Variants in PRDM9 observed in about 807,000 individuals in gnomAD.
The protein encoded by PRDM9 is histone-lysine N-methyltransferase PRDM9.
Under a neutral mutation model 55.6 loss-of-function variants are expected in PRDM9, and 47 were observed. That is an observed-to-expected ratio of 0.85 (90% CI 0.67 to 1.08). The LOEUF (loss-of-function observed/expected upper bound fraction) is 1.08. PRDM9 is among the 50% of genes least tolerant of loss of function. The pLI, the probability that PRDM9 is intolerant of heterozygous loss-of-function variation, is 0.00. For missense variants in PRDM9, 867 were observed against 1,040.3 expected, an observed-to-expected ratio of 0.83 and a Z score of 2.29; for synonymous variants, 312 against 375.7, an observed-to-expected ratio of 0.83 and a Z score of 1.96.
At position 23,524,347 on chromosome 5, in the gene PRDM9, G is replaced by A. The variant is rs781489462; in HGVS notation, c.964G>A (p.Ala322Thr). The A allele has an allele frequency of 6.2e-7, 1 of 1,613,898 alleles. No individual in the cohort carries two copies. The highest frequency in any genetic ancestry group is 8.5e-7 in the Non-Finnish European group (1 of 1,179,860). Reference sequence around the variant, plus strand: ...CCTTGACCCCAGGTATGTGAACTGTGCCCGGGATGATGAAGAGCAGAACCT... The same window carrying A: ...CCTTGACCCCAGGTATGTGAACTGTACCCGGGATGATGAAGAGCAGAACCT... ...WANWMRYVNC[A>T]RDDEEQNLVA... Residue 322 changes from alanine (A) to threonine (T), a missense_variant, in exon 10 of 11, where the codon GCC becomes ACC. Physicochemically the swap from Ala to Thr is moderately conservative, Grantham distance 58. Coordinates refer to ENST00000296682, the MANE Select transcript of PRDM9 (RefSeq NM_020227.4).
chr5:23,508,161 C>A (rs1739021732), intron 1 of PRDM9, among the ~76,000 whole-genome samples: 1 of 152,056 alleles, frequency 6.6e-6, no homozygotes, highest in African/African-American at 2.4e-5. Flanking sequence ...TTACCTGAGA[C>A]CCAGAATTTC....
rs776657408 is a variant in PRDM9, at chr5:23,526,428, G to T, written c.1340G>T (p.Arg447Leu). 1.2e-6 allele frequency: 2 copies of T among 1,614,058 alleles called. No individual in the cohort carries two copies. Among genetic ancestry groups the T allele is most frequent in the Non-Finnish European group, 1.7e-6 (2 of 1,180,048 alleles). ...CAGCAATATCCAGATCCACACAGCC[G>T]TAATGACAAAACCAAAGGTCAAGAG... ...QEQQYPDPHS[R>L]NDKTKGQEIK... Residue 447 changes from arginine to leucine, a missense_variant, in exon 11 of 11, where the codon CGT becomes CTT. Physicochemically the swap from Arg to Leu is moderately radical, Grantham distance 102. Around this residue, in one of 5 missense-constraint regions of PRDM9, gnomAD observed 662 missense variants for 711.9 expected, o/e 0.93. Transcript: ENST00000296682.
chr5:23,520,865 C>T (rs1427396970), intron 5 of PRDM9, among the ~76,000 whole-genome samples, 158 bp from the exon 6 acceptor site: 2 of 152,212 alleles, frequency 1.3e-5, no homozygotes, highest in East Asian at 3.9e-4. Flanking sequence ...AGATTCACTA[C>T]TCACTTAGAC....
intron 4 of PRDM9, among the ~76,000 whole-genome samples, chr5:23,514,396 C>A (rs1739159672): frequency 6.6e-6 from 1 of 152,104 alleles, no homozygotes; most frequent in South Asian, 2.1e-4. Flanking sequence ...TGTGTTCCCA[C>A]ATCAGGAAGG....
chr5:23,522,866 A>T lies in PRDM9; in HGVS notation c.863A>T (p.Asn288Ile). 2 of 1,614,262 alleles carry T rather than the reference A, an allele frequency of 1.2e-6. No individual in the cohort carries two copies. The highest frequency in any genetic ancestry group is 1.7e-6 in the Non-Finnish European group (2 of 1,180,048). Residue 288 changes from asparagine to isoleucine, a missense_variant, in exon 8 of 11, where the codon AAC (asparagine) becomes ATC (isoleucine). By Grantham distance (149) the Asn-to-Ile change is moderately radical. Coordinates refer to ENST00000296682, the MANE Select transcript of PRDM9 (RefSeq NM_020227.4). Reference protein sequence around the residue: ...GRITEDEEAANNGYSWLITKG... With the variant: ...GRITEDEEAAINGYSWLITKG... Reference sequence around the variant, plus strand: ...ATTACAGAAGACGAAGAGGCAGCCAACAATGGATACTCCTGGCTGGTAAGA... The same window carrying T: ...ATTACAGAAGACGAAGAGGCAGCCATCAATGGATACTCCTGGCTGGTAAGA...
At chr5:23,520,090 T>C (rs1454517621) in intron 5 of PRDM9, among the ~76,000 whole-genome samples, 1 of 134,914 alleles carries the variant, frequency 7.4e-6, no homozygotes, top group Non-Finnish European at 1.6e-5. Context: ...ATGGTCTGAG[T>C]GTGGGGGCTC....
In PRDM9 at chr5:23,516,724, CT is replaced by C. The variant is rs549115370; in HGVS notation, c.302-1144del. 9.8e-3 allele frequency among the ~76,000 whole-genome samples: 1,178 copies of C among 119,844 alleles called. 2 individuals are homozygous for C. The highest frequency in any genetic ancestry group is 0.022 in the Middle Eastern group (4 of 178). 78.6% of individuals were successfully genotyped at this position (119,844 alleles called of 152,430 possible). A position where few individuals can be genotyped will look rare whatever the true frequency, so the allele number is the denominator to read the frequency against. ...TTTTGGTAAAAATCTTTATAGTTTT[CT>C]TTTTTTTTTTTTAAGATGGGGTCTC... On this transcript the variant is annotated intron_variant, in intron 4 of 10. Transcript: ENST00000296682.
intron 10 of PRDM9, 117 bp downstream of exon 10, chr5:23,524,644 A>T: frequency 7.0e-7 from 1 of 1,430,266 alleles, no homozygotes; most frequent in Non-Finnish European, 9.7e-7. Context: ...AAGATTTCAA[A>T]TCAGTGGCTT....
At chr5:23,523,836 G>C (rs552585892) in intron 9 of PRDM9, among the ~76,000 whole-genome samples, 1 of 152,234 alleles carries the variant, frequency 6.6e-6, no homozygotes, top group Non-Finnish European at 1.5e-5. Flanking sequence ...AGACTTCTAA[G>C]TTTCTCTGGG....
chr5:23,525,464 G>A (rs1385327676), intron 10 of PRDM9, among the ~76,000 whole-genome samples: 1 of 152,150 alleles, frequency 6.6e-6, no homozygotes, highest in Non-Finnish European at 1.5e-5. Flanking sequence ...TACTTGATGG[G>A]CAGCCTGAGA....
chr5:23,508,692 C>A (rs1199297569), intron 1 of PRDM9, among the ~76,000 whole-genome samples: 1 of 152,178 alleles, frequency 6.6e-6, no homozygotes, highest in Non-Finnish European at 1.5e-5. Context: ...CTCCAGGCAC[C>A]TGTGCCACCC....
chr5:23,514,816 A>C (rs1216635053), intron 4 of PRDM9, among the ~76,000 whole-genome samples: 1 of 152,178 alleles, frequency 6.6e-6, no homozygotes, highest in East Asian at 1.9e-4. Context: ...CAGTGGCTCC[A>C]TCTTTAAATA....
rs150409892 is a variant in PRDM9, at chr5:23,513,724, A to G, written c.301+3697A>G. ...GTGAAACCCCATCTCTACTAAAAAT[A>G]CAAAATTAGCCGGGCATAGTGGCGT... On this transcript the variant is annotated intron_variant, in intron 4 of 10. Transcript: ENST00000296682. Among the ~76,000 whole-genome samples the G allele has an allele frequency of 1.7e-3, 259 of 152,202 alleles. 1 individual carries two copies. Among genetic ancestry groups the G allele is most frequent in the Non-Finnish European group, 3.3e-3 (223 of 68,022 alleles).
chr5:23,519,056 C>T (rs190087306), intron 5 of PRDM9, among the ~76,000 whole-genome samples: 17 of 152,202 alleles, frequency 1.1e-4, no homozygotes, highest in Admixed American at 1.1e-3. Flanking sequence ...TGTTATTTTT[C>T]TGGGTGGTGG....
At position 23,509,444 on chromosome 5, in the gene PRDM9, C is replaced by A. The variant is rs779680690; in HGVS notation, c.70-26C>A. 2.3e-5 allele frequency: 37 copies of A among 1,614,004 alleles called. No homozygotes were observed. The East Asian group carries it at 8.2e-4, about 36-fold the overall frequency. On this transcript the variant is annotated intron_variant, in intron 2 of 10. Coordinates refer to ENST00000296682, the MANE Select transcript of PRDM9 (RefSeq NM_020227.4). ...CAGCTTGATGTGTACTAGTAAATCACTGATGGAATCTGTTACTTCCTCTAG... is the reference window on the plus strand; with the variant it reads ...CAGCTTGATGTGTACTAGTAAATCAATGATGGAATCTGTTACTTCCTCTAG...
chr5:23,515,000 G>C (rs1181111148), intron 4 of PRDM9, among the ~76,000 whole-genome samples: 1 of 141,284 alleles, frequency 7.1e-6, no homozygotes, highest in Non-Finnish European at 1.5e-5. Context: ...TTTCGCTCCT[G>C]TTGCCCAGGC....
At chr5:23,521,835 C>T (rs1739333532) in intron 6 of PRDM9, among the ~76,000 whole-genome samples, 1 of 152,086 alleles carries the variant, frequency 6.6e-6, no homozygotes, top group African/African-American at 2.4e-5. Flanking sequence ...TATAAATGAA[C>T]CCATACATGC....
intron 4 of PRDM9, among the ~76,000 whole-genome samples, chr5:23,515,883 T>C (rs1739200373): frequency 6.6e-6 from 1 of 152,240 alleles, no homozygotes; most frequent in Non-Finnish European, 1.5e-5. Flanking sequence ...TCTGTCTTTA[T>C]ACCAGTACCA....
At chr5:23,511,752 C>A (rs2126410022) in intron 4 of PRDM9, among the ~76,000 whole-genome samples, 1 of 152,240 alleles carries the variant, frequency 6.6e-6, no homozygotes, top group South Asian at 2.1e-4. Flanking sequence ...AAATTCAGAA[C>A]ATTTATCATC....
Sources: allele counts gnomAD v4.1 joint callset (sites outside exome capture counted in the v4.1 genomes callset), GRCh38; gene constraint gnomAD v4.1.1; regional missense constraint gnomAD v4.1.1; transcripts MANE v1.5; gene names NCBI Gene and HGNC (gene_info 2026-07-23, HGNC 2026-07-21).